The following TLE5 variants were observed in gnomAD, a reference collection of about 807,000 sequenced individuals.
TLE5 encodes TLE family member 5, transcriptional modulator.
A neutral mutation model predicts 25.8 loss-of-function variants in TLE5; 7 were observed. The observed-to-expected ratio is 0.27, with a 90% CI of 0.15 to 0.51. The LOEUF is 0.51. Among genes scored for constraint, TLE5 ranks in the 20% least tolerant of loss-of-function variants. TLE5 has a pLI of 0.97. For synonymous variants in TLE5, 132 were observed against 110.5 expected (o/e 1.20, Z -1.22); for missense variants, 149 against 250.7 (o/e 0.59, Z 2.74).
chr19:3,058,490 C>T (rs2090238956), intron 2 of TLE5, among the ~76,000 whole-genome samples: 1 of 152,206 alleles, frequency 6.6e-6, no homozygotes, highest in African/African-American at 2.4e-5. Flanking sequence ...CCCGGCTGGA[C>T]TTCCCAAGGG....
intron 2 of TLE5, 145 bp downstream of exon 2, chr19:3,061,015 T>A: frequency 1.6e-6 from 1 of 608,500 alleles, no homozygotes; most frequent in Non-Finnish European, 2.9e-6. Context: ...TTAAAATAAA[T>A]GAATTCAGTA....
upstream of TLE5, chr19:3,062,603 C>A: frequency 3.8e-6 from 4 of 1,054,210 alleles, no homozygotes; most frequent in Non-Finnish European, 4.6e-6. Context: ...CCTGCGGATC[C>A]CCACGCCGGC....
At position 3,062,477 on chromosome 19, in the gene TLE5, T is replaced by C. The variant is rs1462071025; in HGVS notation, c.-277A>G. ...CCCCGGCCCCACCGCTATTGTCTAATGGCGGCGACGCCGGCAGTGGCCGCG... is the reference window on the plus strand; with the variant it reads ...CCCCGGCCCCACCGCTATTGTCTAACGGCGGCGACGCCGGCAGTGGCCGCG... On this transcript the variant is annotated 5_prime_UTR_variant, in exon 1 of 7. Transcript: ENST00000327141. 1.7e-6 allele frequency: 1 copy of C among 599,128 alleles called. No homozygotes were observed. The highest frequency in any genetic ancestry group is 1.6e-4 in the East Asian group (1 of 6,114). 37.1% of individuals were successfully genotyped at this position (599,128 alleles called of 1,614,324 possible). A position where few individuals can be genotyped will look rare whatever the true frequency, so the allele number is the denominator to read the frequency against.
chr19:3,062,662 C>T, upstream of TLE5: 2 of 1,364,862 alleles, frequency 1.5e-6, no homozygotes, highest in Non-Finnish European at 9.4e-7. Context: ...CCCGGCCCGC[C>T]CCCGCCCCGG....
Position 3,055,739 on chromosome 19 carries a change from G to C in TLE5, c.235-13C>G. 6.2e-7 allele frequency: 1 copy of C among 1,602,454 alleles called. No individual in the cohort carries two copies. Among genetic ancestry groups the C allele is most frequent in the Non-Finnish European group, 8.5e-7 (1 of 1,174,234 alleles). ...TGACGATCTCAGCCTGGAACACACA[G>C]ATGAAGCCGGCTTCAGTCCTGGGCG... On this transcript the variant is annotated splice_polypyrimidine_tract_variant and intron_variant, in intron 4 of 6. Transcript: ENST00000327141.
intron 2 of TLE5, among the ~76,000 whole-genome samples, chr19:3,060,634 G>T (rs1214146885): frequency 6.6e-6 from 1 of 152,012 alleles, no homozygotes; most frequent in African/African-American, 2.4e-5. Context: ...GCCTGGCCTG[G>T]GCTTAAGTTT....
chr19:3,059,752 G>T (rs1465864932), intron 2 of TLE5, among the ~76,000 whole-genome samples: 1 of 152,150 alleles, frequency 6.6e-6, no homozygotes, highest in African/African-American at 2.4e-5. Context: ...ACAGCACTGT[G>T]ACCGCCATCT....
At chr19:3,062,865 C>A, upstream of TLE5, 1 of 1,489,526 alleles carries the variant, frequency 6.7e-7, no homozygotes, top group Non-Finnish European at 9.2e-7. Flanking sequence ...GCCTTAGTTT[C>A]CTTTTCTGCA....
chr19:3,061,015 T>G lies in TLE5; in HGVS notation c.125+145A>C. 4.9e-6 allele frequency: 3 copies of G among 608,500 alleles called. No individual in the cohort carries two copies. The South Asian group carries it at 6.2e-5, about 13-fold the overall frequency. 37.7% of individuals were successfully genotyped at this position (608,500 alleles called of 1,614,324 possible). ...ACAAAATGGGGCTGTTTAAAATAAATGAATTCAGTATTTGTCAAGTGATTA... is the reference window on the plus strand; with the variant it reads ...ACAAAATGGGGCTGTTTAAAATAAAGGAATTCAGTATTTGTCAAGTGATTA... On this transcript the variant is annotated intron_variant, in intron 2 of 6. Coordinates refer to ENST00000327141, the MANE Select transcript of TLE5 (RefSeq NM_001130.6).
rs749064098 is a variant in TLE5 at position 3,056,656 on chromosome 19, G to C, written c.190-300C>G. 19 of 607,666 alleles carry C rather than the reference G, an allele frequency of 3.1e-5. No homozygotes were observed. In the Admixed American group the frequency reaches 4.2e-4, roughly 13 times the overall value. The allele number at this position is 607,666 out of a possible 1,614,324, so 37.6% of individuals were successfully genotyped here. ...TCCTCCCCCACTCCATGTGCACCGC[G>C]AGAACACGCATTCCAGGGCTCCTAA... On this transcript the variant is annotated intron_variant, in intron 3 of 6. Transcript: ENST00000327141.
At chr19:3,057,558 G>A (rs527279876) in intron 3 of TLE5, 121 bp downstream of exon 3, 10 of 946,584 alleles carry the variant, frequency 1.1e-5, no homozygotes, top group Middle Eastern at 2.2e-4. Flanking sequence ...AACAGGCCCC[G>A]ATCCTCGCGC....
intron 5 of TLE5, chr19:3,054,566 CTGCCCAA>C: frequency 6.2e-6 from 2 of 322,762 alleles, no homozygotes; most frequent in Non-Finnish European, 5.9e-6. Context: ...AGTACACAAC[CTGCCCAA>C]CTGTACAGGG....
Position 3,053,765 on chromosome 19 carries a change from G to T in TLE5, c.*54C>A, listed in dbSNP as rs1035858935. The T allele has an allele frequency of 1.3e-6, 2 of 1,551,220 alleles. No homozygotes were observed. Among genetic ancestry groups the T allele is most frequent in the African/African-American group, 1.4e-5 (1 of 73,826 alleles). On this transcript the variant is annotated 3_prime_UTR_variant, in exon 7 of 7. Transcript: ENST00000327141. ...TTGTGCTAAACATTCCTTTCTCTCC[G>T]TGCCTCTGTCTCCCCTCTGTCCCCC... is the stretch of plus-strand genomic sequence containing the variant.
chr19:3,054,312 C>T (rs1599267788), intron 5 of TLE5, 118 bp from the exon 6 acceptor site: 1 of 961,968 alleles, frequency 1.0e-6, no homozygotes, highest in South Asian at 1.4e-5. Context: ...CATGTCTGCT[C>T]CTCCCAGTGG....
intron 6 of TLE5, 26 bp downstream of exon 6, chr19:3,054,094 C>T: frequency 1.2e-6 from 1 of 822,958 alleles, no homozygotes; most frequent in Non-Finnish European, 1.9e-6. Flanking sequence ...TGTCCCCCGC[C>T]CACCCGCCCA....
At chr19:3,056,592 G>C (rs1331535995) in intron 3 of TLE5, 1 of 665,910 alleles carries the variant, frequency 1.5e-6, no homozygotes, top group East Asian at 2.9e-5. Flanking sequence ...GCTGCGGATG[G>C]AGACTGGGGG....
chr19:3,062,094 G>C, intron 1 of TLE5, 80 bp downstream of exon 1: 1 of 728,926 alleles, frequency 1.4e-6, no homozygotes, highest in Non-Finnish European at 1.7e-6. Context: ...GGGTTGGGGG[G>C]CGCGGGGCCG....
At chr19:3,056,275 G>A (rs1396639645) in intron 4 of TLE5, 37 bp downstream of exon 4, 3 of 916,146 alleles carry the variant, frequency 3.3e-6, no homozygotes, top group South Asian at 4.5e-5. Context: ...GAGGGGGAAG[G>A]AGGAGGAGGA....
Position 3,053,754 on chromosome 19 carries a change from C to T in TLE5, c.*65G>A. ...TCCGCTGTGTCTTGTGCTAAACATT[C>T]CTTTCTCTCCGTGCCTCTGTCTCCC... On this transcript the variant is annotated 3_prime_UTR_variant, in exon 7 of 7. Coordinates refer to ENST00000327141, the MANE Select transcript of TLE5 (RefSeq NM_001130.6). The T allele has an allele frequency of 2.0e-6, 3 of 1,526,724 alleles. No homozygotes were observed. Among genetic ancestry groups the T allele is most frequent in the Non-Finnish European group, 2.7e-6 (3 of 1,118,574 alleles). 94.6% of individuals were successfully genotyped at this position (1,526,724 alleles called of 1,614,324 possible). A position where few individuals can be genotyped will look rare whatever the true frequency, so the allele number is the denominator to read the frequency against.
Sources: gnomAD v4.1 joint callset for allele counts (sites outside exome capture counted in the v4.1 genomes callset) on GRCh38, gnomAD v4.1.1 for gene constraint, MANE v1.5 for transcripts, NCBI Gene and HGNC (gene_info 2026-07-23, HGNC 2026-07-21) for gene names.